Variants in CASK observed in about 807,000 individuals in gnomAD.
The protein encoded by CASK is calcium/calmodulin dependent serine protein kinase, also known as peripheral plasma membrane protein CASK.
A neutral mutation model predicts 82.9 loss-of-function variants in CASK; 4 were observed. That is an observed-to-expected ratio of 0.05 (90% confidence interval 0.02 to 0.11). The LOEUF (loss-of-function observed/expected upper bound fraction) is 0.11. Among genes scored for constraint, CASK ranks in the 10% least tolerant of loss-of-function variants. CASK has a pLI of 1.00. For missense variants in CASK, 358 were observed against 720.9 expected, an observed-to-expected ratio of 0.50 and a Z score of 5.76; for synonymous variants, 259 against 253.5, an observed-to-expected ratio of 1.02 and a Z score of -0.20.
chrX:41,711,596 G>A (rs927298291), intron 5 of CASK, among the ~76,000 whole-genome samples: 7 of 111,106 alleles, frequency 6.3e-5, no homozygotes, highest in African/African-American at 2.3e-4. Flanking sequence ...TCCATGGACT[G>A]GATTGAGAAC....
chrX:41,762,205 T>C (rs940406083), intron 3 of CASK, among the ~76,000 whole-genome samples: 2 of 112,138 alleles, frequency 1.8e-5, no homozygotes, highest in Non-Finnish European at 3.8e-5. Context: ...TTAGCTCTTC[T>C]CCTCTAATAC....
rs181042235 is a variant in CASK at position 41,785,306 on chromosome X, C to T, written c.278+1872G>A. 6.5e-3 allele frequency among the ~76,000 whole-genome samples: 730 copies of T among 112,024 alleles called. 5 individuals are homozygous for T. Among genetic ancestry groups the T allele is most frequent in the South Asian group, 0.022 (60 of 2,676 alleles). On this transcript the variant is annotated intron_variant, in intron 3 of 26. Transcript: ENST00000378163. ...ATTGGCATGAGCCACCACGCCTGGCCTCAAAATTCTTTTAGCAGGTTTGCC... is the reference window on the plus strand; with the variant it reads ...ATTGGCATGAGCCACCACGCCTGGCTTCAAAATTCTTTTAGCAGGTTTGCC...
At chrX:41,529,701 T>C (rs776762855) in intron 25 of CASK, 1 of 112,985 alleles carries the variant, frequency 8.9e-6, no homozygotes, top group Admixed American at 9.3e-5. Flanking sequence ...GTACACATCA[T>C]ATATTTAGTT....
At chrX:41,743,910 TC>T (rs751075344) in intron 4 of CASK, among the ~76,000 whole-genome samples, 1 of 110,636 alleles carries the variant, frequency 9.0e-6, no homozygotes, top group Non-Finnish European at 1.9e-5. Context: ...GAGTTCAAGA[TC>T]AGCCTGGCCA....
intron 12 of CASK, among the ~76,000 whole-genome samples, chrX:41,594,992 T>C (rs1297176983): frequency 8.9e-6 from 1 of 111,796 alleles, no homozygotes; most frequent in Non-Finnish European, 1.9e-5. Flanking sequence ...TGACATTAGG[T>C]AATAGCCCCT....
At chrX:41,882,501 G>T (rs1171723953) in intron 1 of CASK, among the ~76,000 whole-genome samples, 1 of 111,579 alleles carries the variant, frequency 9.0e-6, no homozygotes, top group African/African-American at 3.3e-5. Flanking sequence ...TTACATAAAG[G>T]TAAGTTTAAG....
chrX:41,742,686 A>T (rs1470664573), intron 4 of CASK, among the ~76,000 whole-genome samples: 1 of 112,156 alleles, frequency 8.9e-6, no homozygotes, highest in Non-Finnish European at 1.9e-5. Context: ...TTTCCTAACA[A>T]TAAATCACAG....
At chrX:41,889,179 G>A (rs1161280469) in intron 1 of CASK, among the ~76,000 whole-genome samples, 1 of 107,437 alleles carries the variant, frequency 9.3e-6, no homozygotes, top group Non-Finnish European at 1.9e-5. Context: ...AAAAAGGCAC[G>A]TTATCTGAGG....
At chrX:41,900,238 T>G (rs1482724137) in intron 1 of CASK, among the ~76,000 whole-genome samples, 2 of 111,209 alleles carry the variant, frequency 1.8e-5, no homozygotes, top group African/African-American at 6.5e-5. Flanking sequence ...TCAGTGAAGA[T>G]CTCTTTAATC....
At chrX:41,840,952 A>G (rs1372260189) in intron 2 of CASK, among the ~76,000 whole-genome samples, 1 of 112,021 alleles carries the variant, frequency 8.9e-6, no homozygotes, top group African/African-American at 3.2e-5. Flanking sequence ...TCAGTTGATG[A>G]CCATTTGGTT....
intron 1 of CASK, among the ~76,000 whole-genome samples, chrX:41,879,830 T>C (rs112531014): frequency 0.049 from 5,484 of 112,053 alleles, 138 homozygotes; most frequent in Non-Finnish European, 0.08. Flanking sequence ...CCTCAAATAA[T>C]GAGAATAGTT....
At chrX:41,585,702 C>A (rs183732889) in intron 14 of CASK, 3 of 103,690 alleles carry the variant, frequency 2.9e-5, no homozygotes, top group Non-Finnish European at 5.9e-5. Flanking sequence ...GCCGAGATTG[C>A]GCCACTGCAC....
At chrX:41,820,950 A>T (rs192561516) in intron 2 of CASK, among the ~76,000 whole-genome samples, 1 of 111,458 alleles carries the variant, frequency 9.0e-6, no homozygotes, top group Non-Finnish European at 1.9e-5. Context: ...TCTTATGCTA[A>T]AGTGCATCAT....
chrX:41,771,725 T>G (rs920805437), intron 3 of CASK, among the ~76,000 whole-genome samples: 2 of 110,859 alleles, frequency 1.8e-5, no homozygotes, highest in Admixed American at 1.9e-4. Flanking sequence ...AATAGAATGA[T>G]AAAAATATTC....
intron 1 of CASK, among the ~76,000 whole-genome samples, chrX:41,915,476 G>A (rs955540402): frequency 8.9e-6 from 1 of 112,618 alleles, no homozygotes; most frequent in Admixed American, 9.4e-5. Context: ...GAAAGATGGA[G>A]AAGAAACTGA....
At chrX:41,605,899 A>C (rs1414351287) in intron 12 of CASK, among the ~76,000 whole-genome samples, 1 of 110,687 alleles carries the variant, frequency 9.0e-6, no homozygotes, top group Non-Finnish European at 1.9e-5. Flanking sequence ...GGCTGGTCTC[A>C]AACACCTGAC....
At chrX:41,540,247 T>C (rs150044466) in intron 22 of CASK, among the ~76,000 whole-genome samples, 1 of 112,285 alleles carries the variant, frequency 8.9e-6, no homozygotes, top group African/African-American at 3.2e-5. Flanking sequence ...TTCTTCATTC[T>C]AAGTTGACAA....
intron 16 of CASK, among the ~76,000 whole-genome samples, chrX:41,567,115 G>C (rs1341469295): frequency 1.8e-5 from 2 of 112,104 alleles, no homozygotes; most frequent in African/African-American, 3.2e-5. Context: ...TTAAATGTTA[G>C]ACCTAAAACC....
chrX:41,683,475 C>G (rs1382858199), intron 5 of CASK: 1 of 112,474 alleles, frequency 8.9e-6, no homozygotes, highest in East Asian at 2.8e-4. Flanking sequence ...GCTATTTTGA[C>G]ATTTTTAAAG....
Sources: allele counts gnomAD v4.1 joint callset (sites outside exome capture counted in the v4.1 genomes callset), GRCh38; gene constraint gnomAD v4.1.1; transcripts MANE v1.5; gene names NCBI Gene and HGNC (gene_info 2026-07-23, HGNC 2026-07-21).